The following FOXP4 variants were observed in gnomAD, a reference collection of about 807,000 sequenced individuals.
The protein encoded by FOXP4 is forkhead box protein P4.
A neutral mutation model predicts 82.6 loss-of-function variants in FOXP4; 25 were observed. That is an observed-to-expected ratio of 0.30 (90% CI 0.22 to 0.42). The LOEUF (loss-of-function observed/expected upper bound fraction) is 0.42, where lower values mean the gene tolerates loss of function less well. Ranked by LOEUF, FOXP4 falls within the 10% of genes least tolerant of loss-of-function variation. The pLI is 1.00. For missense variants in FOXP4, 785 were observed against 900.9 expected (o/e 0.87, Z 1.65); for synonymous variants, 415 against 388.2 (o/e 1.07, Z -0.81).
intron 2 of FOXP4, among the ~76,000 whole-genome samples, chr6:41,576,914 C>G (rs1385668444): frequency 6.6e-6 from 1 of 152,166 alleles, no homozygotes; most frequent in East Asian, 1.9e-4. Context: ...CTTGAGCAAT[C>G]TGGAAGCAGA....
intron 3 of FOXP4, among the ~76,000 whole-genome samples, chr6:41,580,970 T>C (rs1366883899): frequency 1.3e-5 from 2 of 152,168 alleles, no homozygotes; most frequent in Non-Finnish European, 2.9e-5. Context: ...TGAGGGGCCC[T>C]CCTTCCAGGC....
chr6:41,598,425 C>G (rs1159644006), intron 16 of FOXP4, among the ~76,000 whole-genome samples: 1 of 152,022 alleles, frequency 6.6e-6, no homozygotes, highest in Admixed American at 6.6e-5. Flanking sequence ...ACCGTGCTGG[C>G]CAGGCTGGTC....
rs1474596115 is a variant in FOXP4, at chr6:41,600,268, C to T, written c.*1332C>T. The T allele has an allele frequency of 3.3e-5, 5 of 152,610 alleles. No individual in the cohort carries two copies. The highest frequency in any genetic ancestry group is 5.9e-5 in the Non-Finnish European group (4 of 68,092). 9.5% of individuals were successfully genotyped at this position (152,610 alleles called of 1,614,324 possible). A position where few individuals can be genotyped will look rare whatever the true frequency, so the allele number is the denominator to read the frequency against. ...GGAGTGGGCACGGGAGCCCTTCTCC[C>T]TGACCCTGGGCTGCTTCCTGGGGGC... On this transcript the variant is annotated 3_prime_UTR_variant, in exon 17 of 17. Transcript: ENST00000307972.
At chr6:41,555,783 G>A (rs1351550931) in intron 1 of FOXP4, among the ~76,000 whole-genome samples, 10 of 152,184 alleles carry the variant, frequency 6.6e-5, no homozygotes, top group Admixed American at 5.9e-4. Context: ...TCAAAAGGCC[G>A]CAATTAACAA....
chr6:41,563,622 G>C (rs1581719184), intron 1 of FOXP4, among the ~76,000 whole-genome samples: 1 of 152,294 alleles, frequency 6.6e-6, no homozygotes, highest in Non-Finnish European at 1.5e-5. Context: ...CCAAGTCCTT[G>C]ACCTCTTTGG....
chr6:41,588,828 C>T (rs956498284), intron 9 of FOXP4, 97 bp downstream of exon 9: 3 of 1,338,266 alleles, frequency 2.2e-6, no homozygotes, highest in African/African-American at 2.9e-5. Flanking sequence ...GGGAGGGTCT[C>T]ATGGAAGGGT....
intron 3 of FOXP4, among the ~76,000 whole-genome samples, chr6:41,579,729 T>C (rs1765689486): frequency 1.3e-5 from 2 of 152,228 alleles, no homozygotes. Flanking sequence ...ATGATGTTTT[T>C]CTCAGGCCTT....
Position 41,594,876 on chromosome 6 carries a change from G to A in FOXP4, c.1543G>A (p.Val515Met), listed in dbSNP as rs1766731730. Reference sequence around the variant, plus strand: ...CTCTTCACTGCACCCACAGAACGCCGTGCGCCACAACCTCAGCCTGCACAA... The same window carrying A: ...CTCTTCACTGCACCCACAGAACGCCATGCGCCACAACCTCAGCCTGCACAA... Reference protein sequence around the residue: ...RRNTATWKNAVRHNLSLHKCF... With the variant: ...RRNTATWKNAMRHNLSLHKCF... Residue 515 changes from valine to methionine, a missense_variant, in exon 14 of 17, where the codon GTG becomes ATG. This residue lies in a region of FOXP4 where 31 missense variants were observed against 79.6 expected (regional missense o/e 0.39). Coordinates refer to ENST00000307972, the MANE Select transcript of FOXP4 (RefSeq NM_001012426.2). 4 of 1,614,030 alleles carry A rather than the reference G, an allele frequency of 2.5e-6. No individual in the cohort carries two copies. The highest frequency in any genetic ancestry group is 3.4e-6 in the Non-Finnish European group (4 of 1,180,026).
At chr6:41,598,377 C>T (rs1234981554) in intron 16 of FOXP4, among the ~76,000 whole-genome samples, 1 of 151,970 alleles carries the variant, frequency 6.6e-6, no homozygotes, top group African/African-American at 2.4e-5. Flanking sequence ...CCACCATGCC[C>T]AGCTAATTAT....
chr6:41,577,939 C>A, intron 2 of FOXP4, 47 bp from the exon 3 acceptor site: 1 of 1,446,342 alleles, frequency 6.9e-7, no homozygotes, highest in Non-Finnish European at 9.6e-7. Flanking sequence ...ATCCCTGGAT[C>A]CCACCCAGCC....
At chr6:41,592,183 A>G (rs902903180) in intron 13 of FOXP4, among the ~76,000 whole-genome samples, 2 of 151,942 alleles carry the variant, frequency 1.3e-5, no homozygotes, top group African/African-American at 4.8e-5. Flanking sequence ...CACTGAAGAA[A>G]CTGCAGTTAA....
At chr6:41,585,351 C>T in intron 4 of FOXP4, 80 bp from the exon 5 acceptor site, 2 of 1,421,372 alleles carry the variant, frequency 1.4e-6, no homozygotes, top group Non-Finnish European at 1.9e-6. Flanking sequence ...TCTCCTGCCC[C>T]CAGGAGCCCA....
Position 41,584,750 on chromosome 6 carries a change from A to G in FOXP4, c.301-19A>G. The G allele has an allele frequency of 6.4e-7, 1 of 1,568,506 alleles. No homozygotes were observed. Among genetic ancestry groups the G allele is most frequent in the Non-Finnish European group, 8.6e-7 (1 of 1,156,434 alleles). ...GGGTTGGGGTCCAGGGGACAGGGCT[A>G]ACGGGCCGAATCCTGCAGGTGCCTG... On this transcript the variant is annotated intron_variant, in intron 3 of 16. Coordinates refer to ENST00000307972, the MANE Select transcript of FOXP4 (RefSeq NM_001012426.2).
At chr6:41,572,497 A>C (rs1765259060) in intron 2 of FOXP4, among the ~76,000 whole-genome samples, 1 of 152,210 alleles carries the variant, frequency 6.6e-6, no homozygotes, top group South Asian at 2.1e-4. Flanking sequence ...ATTAATAGTC[A>C]TGCTGTGGTT....
In FOXP4 at chr6:41,597,946, T is replaced by A. The variant is rs777960098; in HGVS notation, c.1891T>A (p.Tyr631Asn). ...CCCTCCTCGCCTCTCCCCGCCCCAG[T>A]ACAGGTGAGCACACAGCACGGACCC... ...SSPPRLSPPQ[Y>N]SHQVQVKEEP... Residue 631 changes from tyrosine (Y) to asparagine (N), a missense_variant, in exon 16 of 17, where the codon TAC (tyrosine) becomes AAC (asparagine). Tyr to Asn is a moderately radical substitution (Grantham distance 143). Transcript: ENST00000307972. 6.5e-7 allele frequency: 1 copy of A among 1,537,694 alleles called. No homozygotes were observed. Among genetic ancestry groups the A allele is most frequent in the Non-Finnish European group, 8.7e-7 (1 of 1,148,470 alleles).
chr6:41,556,987 T>C (rs532414684), intron 1 of FOXP4, among the ~76,000 whole-genome samples: 1 of 152,348 alleles, frequency 6.6e-6, no homozygotes, highest in African/African-American at 2.4e-5. Flanking sequence ...GAAGGAAAAC[T>C]TACCTGCCCA....
chr6:41,551,483 C>G (rs985029127), intron 1 of FOXP4, among the ~76,000 whole-genome samples: 4 of 152,212 alleles, frequency 2.6e-5, no homozygotes, highest in African/African-American at 9.6e-5. Context: ...CTGCCCACCT[C>G]CCTGGGCCCC....
In FOXP4 at chr6:41,587,373, G is replaced by T. The variant is rs199908081; in HGVS notation, c.733G>T (p.Val245Phe). The T allele has an allele frequency of 1.9e-6, 3 of 1,606,514 alleles. No individual in the cohort carries two copies. The highest frequency in any genetic ancestry group is 1.1e-5 in the South Asian group (1 of 89,782). ...GAPGQPAEDSVKQEGLDLTGT... is the reference protein window; with the variant it reads ...GAPGQPAEDSFKQEGLDLTGT... ...CCCCGGGCAGCCTGCCGAGGACAGC[G>T]TCAAGCAGGAGGGGCTGGACCTCAC... The change falls in exon 7 of 17, where the codon GTC (valine) becomes TTC (phenylalanine). Residue 245 changes from valine to phenylalanine, a missense_variant. Val to Phe is a conservative substitution (Grantham distance 50, BLOSUM62 -1). Around this residue, in one of 3 missense-constraint regions of FOXP4, gnomAD observed 570 missense variants for 634.0 expected, o/e 0.90. Coordinates refer to ENST00000307972, the MANE Select transcript of FOXP4 (RefSeq NM_001012426.2).
At chr6:41,574,534 A>C (rs1431295114) in intron 2 of FOXP4, among the ~76,000 whole-genome samples, 1 of 152,192 alleles carries the variant, frequency 6.6e-6, no homozygotes, top group Non-Finnish European at 1.5e-5. Flanking sequence ...GAGTTTTGTG[A>C]GTGGGTATCA....
Sources: allele counts gnomAD v4.1 joint callset (sites outside exome capture counted in the v4.1 genomes callset), GRCh38; gene constraint gnomAD v4.1.1; regional missense constraint gnomAD v4.1.1; transcripts MANE v1.5; gene names NCBI Gene and HGNC (gene_info 2026-07-23, HGNC 2026-07-21).